Variants in PTPN22 observed in about 807,000 individuals in gnomAD.
PTPN22 encodes the protein tyrosine-protein phosphatase non-receptor type 22.
PTPN22 carries 85 observed loss-of-function variants against 103.3 expected under a neutral mutation model. The observed-to-expected ratio is 0.82, with a 90% CI of 0.69 to 0.99. The LOEUF is 0.99. Ranked by LOEUF, PTPN22 falls within the 50% of genes least tolerant of loss-of-function variation. The pLI, the probability that PTPN22 is intolerant of heterozygous loss-of-function variation, is 0.00. For missense variants in PTPN22, 865 were observed against 936.9 expected (o/e 0.92, Z 1.00); for synonymous variants, 323 against 310.2 (o/e 1.04, Z -0.43).
intron 18 of PTPN22, among the ~76,000 whole-genome samples, chr1:113,826,921 G>C (rs1233344912): frequency 6.6e-6 from 1 of 151,662 alleles, no homozygotes; most frequent in African/African-American, 2.4e-5. Flanking sequence ...CGCCCGCCTC[G>C]GCCTCCCAAA....
At chr1:113,848,583 T>G (rs748949165) in exon 11 of PTPN22, 1 of 1,613,734 alleles carries the variant, frequency 6.2e-7, no homozygotes, top group South Asian at 1.1e-5. Flanking sequence ...CATCTGTCTC[T>G]TAAATAGTTC....
intron 11 of PTPN22, among the ~76,000 whole-genome samples, chr1:113,843,528 T>A (rs561969043): frequency 6.6e-6 from 1 of 152,060 alleles, no homozygotes; most frequent in South Asian, 2.1e-4. Context: ...CAGGGGCCAG[T>A]GGGAGGGGAG....
intron 10 of PTPN22, among the ~76,000 whole-genome samples, chr1:113,850,200 AGAAGGAAGGAAGGAAGGAAG>A (rs71090741): frequency 0.021 from 1,646 of 78,004 alleles, 31 homozygotes; most frequent in East Asian, 0.058. Flanking sequence ...CCATCTCAAA[AGAAGGAAGGAAGGAAGGAAG>A]GAAGGAAGGA....
At chr1:113,863,385 G>A (rs1456909759) in intron 1 of PTPN22, among the ~76,000 whole-genome samples, 2 of 152,194 alleles carry the variant, frequency 1.3e-5, no homozygotes, top group South Asian at 2.1e-4. Flanking sequence ...GAGCCGCTGC[G>A]CTCAGCCAAG....
intron 9 of PTPN22, 105 bp downstream of exon 9, chr1:113,854,366 A>G (rs1346885819): frequency 4.5e-6 from 5 of 1,101,962 alleles, no homozygotes; most frequent in Non-Finnish European, 6.7e-6. Context: ...TACATTTTCT[A>G]GAAAAGATGA....
At position 113,866,018 on chromosome 1, in the gene PTPN22, A is replaced by G. The variant is rs140319976; in HGVS notation, c.87+5519T>C. Among the ~76,000 whole-genome samples the G allele has an allele frequency of 3.3e-5, 5 of 152,312 alleles. No individual in the cohort carries two copies. In the East Asian group the frequency reaches 9.6e-4, roughly 29 times the overall value. On this transcript the variant is annotated intron_variant, in intron 1 of 20. Coordinates refer to ENST00000359785, the Ensembl canonical transcript of PTPN22. ...GACAAAGCAAGACTACCTGAAATTG[A>G]AATTCAGTTCCACCACTTACTAGCT...
chr1:113,832,033 T>C lies in PTPN22; in HGVS notation c.2053+1078A>G, dbSNP rs377052977. Among the ~76,000 whole-genome samples, 3 of 144,410 alleles carry C rather than the reference T, an allele frequency of 2.1e-5. No individual in the cohort carries two copies. The Admixed American group carries it at 2.1e-4, about 10-fold the overall frequency. 94.7% of individuals were successfully genotyped at this position (144,410 alleles called of 152,430 possible). On this transcript the variant is annotated intron_variant, in intron 16 of 20. Transcript: ENST00000359785. The stretch of plus-strand genomic sequence containing the variant: ...ACGACATTATTGTATTTAATCCTCA[T>C]AAAAATTATCTAAGGGATTCTATTC...
At chr1:113,819,171 T>C (rs1202356175) in intron 20 of PTPN22, 1 of 153,252 alleles carries the variant, frequency 6.5e-6, no homozygotes, top group Non-Finnish European at 1.5e-5. Context: ...ACCGTCAGAA[T>C]TGTGCTTCAT....
At chr1:113,859,320 A>G (rs1327294491) in intron 2 of PTPN22, 32 bp downstream of exon 2, 1 of 1,582,186 alleles carries the variant, frequency 6.3e-7, no homozygotes, top group African/African-American at 1.4e-5. Context: ...TTTGGGAGAA[A>G]GTATGAGTTT....
Position 113,856,542 on chromosome 1 carries a change from A to C in PTPN22, c.480+6T>G, listed in dbSNP as rs1441353869. 1 of 1,614,170 alleles carries C rather than the reference A, an allele frequency of 6.2e-7. No individual in the cohort carries two copies. The highest frequency in any genetic ancestry group is 1.7e-5 in the Admixed American group (1 of 60,020). ...ACTCAGACATGAGAACAGACATTAC[A>C]CTTACACAGGATACAGAGAAAGGGC... On this transcript the variant is annotated splice_donor_region_variant and intron_variant, in intron 6 of 20. Coordinates refer to ENST00000359785, the Ensembl canonical transcript of PTPN22.
At chr1:113,860,071 TCCACCTCAGCCTCACCTC>T (rs1665433643) in intron 1 of PTPN22, among the ~76,000 whole-genome samples, 1 of 151,490 alleles carries the variant, frequency 6.6e-6, no homozygotes, top group Non-Finnish European at 1.5e-5. Context: ...AGGTGATTCT[TCCACCTCAGCCTCACCTC>T]CCACCTCAGC....
In PTPN22 at chr1:113,829,800, G is replaced by C. The variant is rs986426646; in HGVS notation, c.2135-93C>G. ...ATAAATTGTTAGCTTGGCTTTTTTAGGCATTATTTTGACTATATATTAGGG... is the reference window on the plus strand; with the variant it reads ...ATAAATTGTTAGCTTGGCTTTTTTACGCATTATTTTGACTATATATTAGGG... On this transcript the variant is annotated intron_variant, in intron 17 of 20. Transcript: ENST00000359785. 4.1e-6 allele frequency: 5 copies of C among 1,211,580 alleles called. No homozygotes were observed. The African/African-American group carries it at 7.7e-5, about 19-fold the overall frequency. The allele number at this position is 1,211,580 out of a possible 1,614,324, so 75.1% of individuals were successfully genotyped here.
chr1:113,862,285 AAAAAAT>A (rs1352887133), intron 1 of PTPN22, among the ~76,000 whole-genome samples: 2 of 152,252 alleles, frequency 1.3e-5, no homozygotes, highest in South Asian at 2.1e-4. Flanking sequence ...TCCGCCTCAA[AAAAAAT>A]AAAAATAAAA....
At chr1:113,830,841 C>A (rs1160891653) in intron 16 of PTPN22, among the ~76,000 whole-genome samples, 1 of 152,010 alleles carries the variant, frequency 6.6e-6, no homozygotes, top group Non-Finnish European at 1.5e-5. Flanking sequence ...ATATTAATTC[C>A]TTTTGAAAAT....
Position 113,848,963 on chromosome 1 carries a change from T to TA in PTPN22, c.829-338dup, listed in dbSNP as rs929886695. Among the ~76,000 whole-genome samples, 457 of 147,666 alleles carry TA rather than the reference T, an allele frequency of 3.1e-3. 3 individuals carry two copies. Among genetic ancestry groups the TA allele is most frequent in the Admixed American group, 6.6e-3 (98 of 14,738 alleles). On this transcript the variant is annotated intron_variant, in intron 10 of 20. Coordinates refer to ENST00000359785, the Ensembl canonical transcript of PTPN22. ...CTAATTCTGTTTCCCTTGCTCACAT[T>TA]AAAAAAAAAAATATTTCATTCTAGA...
chr1:113,820,567 A>G (rs1346590438), intron 19 of PTPN22, among the ~76,000 whole-genome samples: 1 of 152,206 alleles, frequency 6.6e-6, no homozygotes, highest in Non-Finnish European at 1.5e-5. Flanking sequence ...AAGTTAACTT[A>G]TAAGTTACTC....
intron 10 of PTPN22, 107 bp from the exon 11 acceptor site, chr1:113,848,733 A>C (rs1289934378): frequency 4.1e-6 from 4 of 974,546 alleles, no homozygotes; most frequent in Non-Finnish European, 6.2e-6. Flanking sequence ...CTAATATAGC[A>C]GACCCAAAAG....
At position 113,825,999 on chromosome 1, in the gene PTPN22, C is replaced by T. The variant is rs541997957; in HGVS notation, c.2251-827G>A. Among the ~76,000 whole-genome samples, 3 of 152,170 alleles carry T rather than the reference C, an allele frequency of 2.0e-5. No homozygotes were observed. The East Asian group carries it at 5.9e-4, about 30-fold the overall frequency. On this transcript the variant is annotated intron_variant, in intron 18 of 20. Transcript: ENST00000359785. ...AAGTGCTGGGATTACAGGCGTGAGC[C>T]ACCGTGGCCAGCCAATAAATTTTTT... is the stretch of plus-strand genomic sequence containing the variant.
At chr1:113,848,975 T>A (rs1039351120) in intron 10 of PTPN22, among the ~76,000 whole-genome samples, 1 of 152,050 alleles carries the variant, frequency 6.6e-6, no homozygotes, top group Non-Finnish European at 1.5e-5. Flanking sequence ...AAAAAAAAAA[T>A]ATTTCATTCT....
Sources: allele counts gnomAD v4.1 joint callset (sites outside exome capture counted in the v4.1 genomes callset), GRCh38; gene constraint gnomAD v4.1.1; transcripts MANE v1.5; gene names NCBI Gene and HGNC (gene_info 2026-07-23, HGNC 2026-07-21).